Variants in ZNF215 observed in about 807,000 individuals in gnomAD.
ZNF215 encodes BWSCR2-associated zinc finger protein 2.
ZNF215 carries 24 observed loss-of-function variants against 27.2 expected under a neutral mutation model. That is an observed-to-expected ratio of 0.88 (90% CI 0.64 to 1.24). The LOEUF (loss-of-function observed/expected upper bound fraction) is 1.24, where lower values mean the gene tolerates loss of function less well. Ranked by LOEUF, ZNF215 falls within the 50% of genes most tolerant of loss-of-function variation. ZNF215 has a pLI of 0.00. For synonymous variants in ZNF215, 210 were observed against 204.0 expected, an observed-to-expected ratio of 1.03 and a Z score of -0.25; for missense variants, 675 against 605.7, an observed-to-expected ratio of 1.11 and a Z score of -1.20.
intron 5 of ZNF215, among the ~76,000 whole-genome samples, chr11:6,967,351 T>A (rs906794244): frequency 2.2e-4 from 34 of 152,256 alleles, no homozygotes; most frequent in Middle Eastern, 3.2e-3. Context: ...AAATGGTATT[T>A]CTGGTTCTAG....
In ZNF215 at chr11:6,953,642, T is replaced by C. The variant is rs1044387049; in HGVS notation, c.713-2048T>C. On this transcript the variant is annotated intron_variant, in intron 6 of 6. Coordinates refer to ENST00000278319, the MANE Select transcript of ZNF215 (RefSeq NM_013250.4). ...ATTCTAGTTATACATTTGTCTAAAA[T>C]TTTTTCAAAGTTTTCACCTTCTTTG... Among the ~76,000 whole-genome samples, 7 of 152,220 alleles carry C rather than the reference T, an allele frequency of 4.6e-5. 1 individual carries two copies. Among genetic ancestry groups the C allele is most frequent in the Admixed American group, 3.3e-4 (5 of 15,282 alleles).
In ZNF215 at chr11:6,956,899, A is replaced by T; in HGVS notation, c.*368A>T. The stretch of plus-strand genomic sequence containing the variant: ...AAGTAGACATTAGGCAAAGCCAAAC[A>T]ATACTCTTGGAGTTGATATTTAATA... On this transcript the variant is annotated 3_prime_UTR_variant, in exon 7 of 7. Coordinates refer to ENST00000278319, the MANE Select transcript of ZNF215 (RefSeq NM_013250.4). 14 of 1,000,836 alleles carry T rather than the reference A, an allele frequency of 1.4e-5. No individual in the cohort carries two copies. The highest frequency in any genetic ancestry group is 1.7e-5 in the Non-Finnish European group (14 of 839,516). 62.0% of individuals were successfully genotyped at this position (1,000,836 alleles called of 1,614,324 possible). A position where few individuals can be genotyped will look rare whatever the true frequency, so the allele number is the denominator to read the frequency against.
At chr11:6,947,739 A>G (rs1849873351) in intron 6 of ZNF215, among the ~76,000 whole-genome samples, 1 of 152,194 alleles carries the variant, frequency 6.6e-6, no homozygotes, top group Non-Finnish European at 1.5e-5. Context: ...TAAAAGAGCA[A>G]TCATTGTATT....
rs1366824737 is a variant in ZNF215 at position 6,955,725 on chromosome 11, GGAGT to G, written c.751_754del (p.Val251LeufsTer2). The G allele has an allele frequency of 2.5e-5, 39 of 1,587,964 alleles. No individual in the cohort carries two copies. Among genetic ancestry groups the G allele is most frequent in the Non-Finnish European group, 3.3e-5 (39 of 1,171,262 alleles). On this transcript the variant is annotated frameshift_variant, in exon 7 of 7. Transcript: ENST00000278319. LOFTEE classifies it low-confidence loss of function (END_TRUNC). The stretch of plus-strand genomic sequence containing the variant: ...TATTTCTGGAGAAGAATCATCCCAT[GGAGT>G]GATTATGACAAGGCTTACCGAAAGT...
downstream of ZNF215, among the ~76,000 whole-genome samples, chr11:6,985,696 T>C (rs1210037101): frequency 6.6e-6 from 1 of 152,154 alleles, no homozygotes; most frequent in Non-Finnish European, 1.5e-5. Context: ...AGTTTCAGGA[T>C]ACAAAATCAA....
chr11:6,934,857 T>TA (rs879768189), intron 3 of ZNF215, among the ~76,000 whole-genome samples: 4 of 152,002 alleles, frequency 2.6e-5, no homozygotes, highest in South Asian at 2.1e-4. Context: ...TCATGTGGGT[T>TA]AAAAAAAATA....
chr11:6,935,371 A>C (rs1311863179), intron 3 of ZNF215, among the ~76,000 whole-genome samples: 1 of 152,226 alleles, frequency 6.6e-6, no homozygotes, highest in Non-Finnish European at 1.5e-5. Flanking sequence ...ATCTGCAGAG[A>C]CCAGTTGATG....
intron 5 of ZNF215, among the ~76,000 whole-genome samples, chr11:6,980,441 A>C (rs1850924000): frequency 6.6e-6 from 1 of 152,042 alleles, no homozygotes; most frequent in Non-Finnish European, 1.5e-5. Context: ...CAAAGTTTTA[A>C]TAAGTCAGTG....
intron 6 of ZNF215, among the ~76,000 whole-genome samples, chr11:6,948,182 G>A (rs986008560): frequency 5.3e-5 from 8 of 152,084 alleles, no homozygotes; most frequent in African/African-American, 1.9e-4. Context: ...TCTGTCCTCT[G>A]GCTACAAAAT....
At chr11:6,979,445 C>T (rs1003277194) in intron 5 of ZNF215, among the ~76,000 whole-genome samples, 4 of 151,944 alleles carry the variant, frequency 2.6e-5, no homozygotes, top group Non-Finnish European at 2.9e-5. Flanking sequence ...ATGGACACTG[C>T]GTTTTTTCTG....
intron 3 of ZNF215, among the ~76,000 whole-genome samples, chr11:6,932,883 A>G (rs1457155406): frequency 6.6e-6 from 1 of 152,242 alleles, no homozygotes; most frequent in Non-Finnish European, 1.5e-5. Context: ...TTGATTTGCC[A>G]GTTAAAAATA....
chr11:6,935,643 C>G (rs1849409812), intron 3 of ZNF215, among the ~76,000 whole-genome samples: 1 of 151,856 alleles, frequency 6.6e-6, no homozygotes, highest in African/African-American at 2.4e-5. Flanking sequence ...CTTTTATTAA[C>G]AGAAATACTA....
chr11:6,944,941 C>T (rs185959456), intron 6 of ZNF215, among the ~76,000 whole-genome samples: 1 of 152,216 alleles, frequency 6.6e-6, no homozygotes, highest in East Asian at 1.9e-4. Flanking sequence ...ATTCCCCCTG[C>T]CCCTCCACTG....
intron 3 of ZNF215, among the ~76,000 whole-genome samples, chr11:6,937,799 C>T (rs533849912): frequency 1.3e-5 from 2 of 151,696 alleles, no homozygotes; most frequent in African/African-American, 2.4e-5. Flanking sequence ...TTTCCATATG[C>T]AAAAGATTGG....
At chr11:6,943,787 T>A (rs1469731846) in intron 6 of ZNF215, 146 bp downstream of exon 6, 6 of 686,226 alleles carry the variant, frequency 8.7e-6, no homozygotes, top group Non-Finnish European at 1.5e-5. Context: ...TATTCGCTTT[T>A]GTTCACAGGT....
At chr11:6,962,763 G>C (rs1850542129), downstream of ZNF215, among the ~76,000 whole-genome samples, 2 of 152,004 alleles carry the variant, frequency 1.3e-5, no homozygotes, top group African/African-American at 2.4e-5. Flanking sequence ...TCTGGAAAAT[G>C]GACAGTAATT....
In ZNF215 at chr11:6,943,538, A is replaced by G. The variant is rs376626917; in HGVS notation, c.617-8A>G. 5.0e-6 allele frequency: 8 copies of G among 1,610,456 alleles called. No individual in the cohort carries two copies. In the African/African-American group the frequency reaches 9.4e-5, roughly 19 times the overall value. On this transcript the variant is annotated splice_region_variant and splice_polypyrimidine_tract_variant and intron_variant, in intron 5 of 6. Transcript: ENST00000278319. ...TGTTGTTGTTCTTTTTATTTTCTCC[A>G]TGAACAGCACATCTACTTTCCAAAC...
chr11:6,956,157 C>G lies in ZNF215; in HGVS notation c.1180C>G (p.Leu394Val), dbSNP rs775849837. 6.2e-6 allele frequency: 10 copies of G among 1,613,646 alleles called. No individual in the cohort carries two copies. Among genetic ancestry groups the G allele is most frequent in the African/African-American group, 2.7e-5 (2 of 74,900 alleles). ...CGKAFCRSSS[L>V]IRHQIIHTGE... ...GAAAGCCTTCTGCCGAAGTTCATCCCTTATTCGACATCAGATCATTCACAC... is the reference window on the plus strand; with the variant it reads ...GAAAGCCTTCTGCCGAAGTTCATCCGTTATTCGACATCAGATCATTCACAC... Residue 394 changes from leucine to valine, a missense_variant, in exon 7 of 7, where the codon CTT becomes GTT. Transcript: ENST00000278319.
At position 6,979,942 on chromosome 11, in the gene ZNF215, C is replaced by A. The variant is rs557515850; in HGVS notation, c.806-4187C>A. Among the ~76,000 whole-genome samples, 7 of 152,040 alleles carry A rather than the reference C, an allele frequency of 4.6e-5. No homozygotes were observed. The South Asian group carries it at 1.5e-3, about 32-fold the overall frequency. On this transcript the variant is annotated intron_variant, in intron 5 of 5. Coordinates refer to the ZNF215 transcript ENST00000529903. ...TATTTATTTTATTTTGTTTTTCAAC[C>A]AACTTCCTGAAACATAACCTAGAAA...
Sources: allele counts gnomAD v4.1 joint callset (sites outside exome capture counted in the v4.1 genomes callset), GRCh38; gene constraint gnomAD v4.1.1; transcripts MANE v1.5; gene names NCBI Gene and HGNC (gene_info 2026-07-23, HGNC 2026-07-21).